Variants in PCDHA13 observed in about 807,000 individuals in gnomAD.
PCDHA13 encodes protocadherin alpha 13, also known as protocadherin alpha-13.
A neutral mutation model predicts 64.8 loss-of-function variants in PCDHA13; 54 were observed. The ratio of observed to expected loss-of-function variants is 0.83; its 90% CI spans 0.67 to 1.04. The LOEUF is 1.04. PCDHA13 is among the 50% of genes least tolerant of loss of function. PCDHA13 has a pLI of 0.00. For missense variants in PCDHA13, 1,248 were observed against 1,254.3 expected, an observed-to-expected ratio of 0.99 and a Z score of 0.08; for synonymous variants, 587 against 564.4, an observed-to-expected ratio of 1.04 and a Z score of -0.57.
intron 3 of PCDHA13, among the ~76,000 whole-genome samples, chr5:140,996,041 C>T (rs2097709262): frequency 6.6e-6 from 1 of 152,224 alleles, no homozygotes; most frequent in African/African-American, 2.4e-5. Context: ...TAGCACTTAA[C>T]ACAGTGCTTG....
At chr5:140,975,309 T>C (rs182558596) in intron 1 of PCDHA13, among the ~76,000 whole-genome samples, 161 of 152,342 alleles carry the variant, frequency 1.1e-3, no homozygotes, top group African/African-American at 3.2e-3. Flanking sequence ...CTCATGTGAT[T>C]ATGTCAGTCC....
At chr5:140,913,797 A>T (rs546197577) in intron 1 of PCDHA13, among the ~76,000 whole-genome samples, 1 of 152,210 alleles carries the variant, frequency 6.6e-6, no homozygotes, top group Admixed American at 6.5e-5. Context: ...ATTTGTTTGA[A>T]TCAAATTTTC....
intron 1 of PCDHA13, chr5:140,927,441 G>A: frequency 5.0e-6 from 8 of 1,614,130 alleles, no homozygotes; most frequent in Non-Finnish European, 4.2e-6. Context: ...GCGAATACCC[G>A]GAGTTGGTGT....
intron 1 of PCDHA13, among the ~76,000 whole-genome samples, chr5:140,885,974 T>C (rs2060795303): frequency 6.6e-6 from 1 of 152,200 alleles, no homozygotes; most frequent in Admixed American, 6.5e-5. Flanking sequence ...GAGATAATTA[T>C]AGATTCGCAT....
chr5:140,922,784 C>G (rs1399042980), intron 1 of PCDHA13, among the ~76,000 whole-genome samples: 1 of 152,140 alleles, frequency 6.6e-6, no homozygotes, highest in Non-Finnish European at 1.5e-5. Context: ...GGAGAGAAAA[C>G]TGTAGCTTTG....
At chr5:140,905,234 C>T (rs1303215169) in intron 1 of PCDHA13, among the ~76,000 whole-genome samples, 1 of 152,144 alleles carries the variant, frequency 6.6e-6, no homozygotes, top group African/African-American at 2.4e-5. Flanking sequence ...GATGAGGATC[C>T]AGTTTCATTC....
chr5:140,983,054 G>A (rs933321433), intron 3 of PCDHA13, among the ~76,000 whole-genome samples: 1 of 151,858 alleles, frequency 6.6e-6, no homozygotes. Flanking sequence ...GAAAATTATC[G>A]GAACCAAGGC....
intron 1 of PCDHA13, among the ~76,000 whole-genome samples, chr5:140,952,271 G>A (rs561917046): frequency 6.6e-6 from 1 of 151,646 alleles, no homozygotes; most frequent in East Asian, 2.0e-4. Flanking sequence ...CTGGGGTCTT[G>A]AGGGTGGTGG....
chr5:140,920,692 A>G (rs552577858), intron 1 of PCDHA13, among the ~76,000 whole-genome samples: 2 of 152,232 alleles, frequency 1.3e-5, no homozygotes, highest in Non-Finnish European at 2.9e-5. Flanking sequence ...AAAAATACAA[A>G]CATTAGCTTG....
rs147892853 is a variant in PCDHA13 at position 140,979,173 on chromosome 5, C to A, written c.2453+166C>A. ...CCCATGTTTATTCCTTGAAAGATCG[C>A]AAATGGTCAGTGCCAGATGCTTATC... On this transcript the variant is annotated intron_variant, in intron 2 of 3. Transcript: ENST00000289272. The A allele has an allele frequency of 5.2e-6, 5 of 958,838 alleles. No individual in the cohort carries two copies. The Admixed American group carries it at 3.1e-4, about 59-fold the overall frequency. 59.4% of individuals were successfully genotyped at this position (958,838 alleles called of 1,614,324 possible).
At chr5:140,958,498 G>A (rs2095427243) in intron 1 of PCDHA13, among the ~76,000 whole-genome samples, 1 of 152,020 alleles carries the variant, frequency 6.6e-6, no homozygotes, top group African/African-American at 2.4e-5. Context: ...ACATATCCTA[G>A]GAGGCATGGC....
chr5:140,973,815 A>C (rs2096603789), intron 1 of PCDHA13, among the ~76,000 whole-genome samples: 1 of 152,224 alleles, frequency 6.6e-6, no homozygotes, highest in African/African-American at 2.4e-5. Flanking sequence ...CAGAATAGCA[A>C]AGTCAGTTCT....
At chr5:140,966,732 G>A in intron 1 of PCDHA13, 1 of 1,415,600 alleles carries the variant, frequency 7.1e-7, no homozygotes, top group South Asian at 1.6e-5. Flanking sequence ...GCCGCCTCCG[G>A]CCCTGCCCGG....
intron 1 of PCDHA13, among the ~76,000 whole-genome samples, chr5:140,906,586 C>G (rs1199094981): frequency 6.6e-6 from 1 of 152,218 alleles, no homozygotes; most frequent in African/African-American, 2.4e-5. Context: ...TGATGACTAC[C>G]TTCCTCTACT....
chr5:140,908,998 C>G (rs2074255436), intron 1 of PCDHA13, among the ~76,000 whole-genome samples: 1 of 152,156 alleles, frequency 6.6e-6, no homozygotes, highest in South Asian at 2.1e-4. Flanking sequence ...AGAAATTTTA[C>G]TGAGGTAGAA....
intron 1 of PCDHA13, among the ~76,000 whole-genome samples, chr5:140,892,799 G>A (rs1222453314): frequency 6.6e-6 from 1 of 152,108 alleles, no homozygotes; most frequent in African/African-American, 2.4e-5. Flanking sequence ...AGAAATTATA[G>A]TTAACCATAT....
In PCDHA13 at chr5:140,884,564, A is replaced by C; in HGVS notation, c.2296A>C (p.Lys766Gln). Residue 766 changes from lysine (K) to glutamine (Q), a missense_variant, in exon 1 of 4, where the codon AAG becomes CAG. Lys to Gln is a moderately conservative substitution (Grantham distance 53, BLOSUM62 1). Transcript: ENST00000289272. ...GGTGTGCTCTGGGGAGGGCCCGCATAAGACGGACCTCATGGCCTTCAGTCC... is the reference window on the plus strand; with the variant it reads ...GGTGTGCTCTGGGGAGGGCCCGCATCAGACGGACCTCATGGCCTTCAGTCC... ...PRVCSGEGPHKTDLMAFSPSL... is the reference protein window; with the variant it reads ...PRVCSGEGPHQTDLMAFSPSL... 1 of 1,614,118 alleles carries C rather than the reference A, an allele frequency of 6.2e-7. No individual in the cohort carries two copies. The highest frequency in any genetic ancestry group is 8.5e-7 in the Non-Finnish European group (1 of 1,180,018).
intron 3 of PCDHA13, among the ~76,000 whole-genome samples, chr5:140,996,335 T>G (rs887353118): frequency 1.3e-5 from 2 of 152,202 alleles, no homozygotes; most frequent in African/African-American, 4.8e-5. Flanking sequence ...AAGAAAAGTT[T>G]GAAAACCCAA....
At chr5:141,006,882 G>A (rs1442637421) in intron 3 of PCDHA13, among the ~76,000 whole-genome samples, 1 of 152,204 alleles carries the variant, frequency 6.6e-6, no homozygotes, top group Non-Finnish European at 1.5e-5. Flanking sequence ...GGAATCAAGA[G>A]TTTGATTTCA....
Sources: gnomAD v4.1 joint callset for allele counts (sites outside exome capture counted in the v4.1 genomes callset) on GRCh38, gnomAD v4.1.1 for gene constraint, MANE v1.5 for transcripts, NCBI Gene and HGNC (gene_info 2026-07-23, HGNC 2026-07-21) for gene names.